The following PLD5 variants were observed in gnomAD, a reference collection of about 807,000 sequenced individuals.
PLD5 encodes phospholipase D family member 5.
In PLD5, 36 loss-of-function variants were observed where a neutral mutation model predicts 61.1. That is an observed-to-expected ratio of 0.59 (90% CI 0.45 to 0.78). The LOEUF (loss-of-function observed/expected upper bound fraction) is 0.78, where lower values mean the gene tolerates loss of function less well. Ranked by LOEUF, PLD5 falls within the 30% of genes least tolerant of loss-of-function variation. The pLI is 0.00. For missense variants in PLD5, 515 were observed against 644.4 expected, an observed-to-expected ratio of 0.80 and a Z score of 2.17; for synonymous variants, 243 against 242.8, an observed-to-expected ratio of 1.00 and a Z score of -0.01.
chr1:242,084,051 TC>T lies in PLD5; in HGVS notation c.*5802del, dbSNP rs1659351883. The T allele has an allele frequency of 6.6e-6, 1 of 152,218 alleles. No individual in the cohort carries two copies. The highest frequency in any genetic ancestry group is 6.5e-5 in the Admixed American group (1 of 15,278). 9.4% of individuals were successfully genotyped at this position (152,218 alleles called of 1,614,324 possible). On this transcript the variant is annotated 3_prime_UTR_variant, in exon 10 of 10. Transcript: ENST00000536534. ...TGGGTTTGAGAGCCAGATATCCACT[TC>T]ATAAAAAGAGATCTTTTCTCCTTAC...
intron 2 of PLD5, among the ~76,000 whole-genome samples, chr1:242,296,711 T>C (rs1675677721): frequency 6.6e-6 from 1 of 152,156 alleles, no homozygotes. Context: ...AGTATGCTGA[T>C]TATTTTTTTT....
At position 242,499,137 on chromosome 1, in the gene PLD5, A is replaced by G. The variant is rs549181104; in HGVS notation, c.189+24951T>C. Among the ~76,000 whole-genome samples, 5 of 152,338 alleles carry G rather than the reference A, an allele frequency of 3.3e-5. No homozygotes were observed. The South Asian group carries it at 8.3e-4, about 25-fold the overall frequency. On this transcript the variant is annotated intron_variant, in intron 1 of 9. Coordinates refer to ENST00000536534, the MANE Select transcript of PLD5 (RefSeq NM_001372062.1). ...GACAGTATTATTTTTAAAATGATAA[A>G]AGAAGTTTTACTATTCCTTTAATTT...
At chr1:242,240,549 G>GT (rs1280717663) in intron 4 of PLD5, among the ~76,000 whole-genome samples, 1 of 152,082 alleles carries the variant, frequency 6.6e-6, no homozygotes, top group Admixed American at 6.6e-5. Flanking sequence ...GCCTGAGGGA[G>GT]TTTTTTTCCC....
At chr1:242,361,924 C>G (rs577243353) in intron 1 of PLD5, among the ~76,000 whole-genome samples, 43 of 150,562 alleles carry the variant, frequency 2.9e-4, no homozygotes, top group African/African-American at 1.0e-3. Flanking sequence ...TGCTTGAGGC[C>G]AAGAATTCAA....
intron 1 of PLD5, among the ~76,000 whole-genome samples, chr1:242,504,063 T>C (rs1572258890): frequency 6.6e-6 from 1 of 152,182 alleles, no homozygotes; most frequent in East Asian, 1.9e-4. Flanking sequence ...TTTTGTTTTG[T>C]TGTTATATTA....
intron 1 of PLD5, among the ~76,000 whole-genome samples, chr1:242,416,723 T>G (rs1036564559): frequency 3.3e-5 from 5 of 152,196 alleles, no homozygotes; most frequent in African/African-American, 1.2e-4. Context: ...ACAAATAAAA[T>G]CTTGTTTCTT....
At chr1:242,448,854 C>G (rs959947166) in intron 1 of PLD5, among the ~76,000 whole-genome samples, 1 of 152,096 alleles carries the variant, frequency 6.6e-6, no homozygotes, top group East Asian at 1.9e-4. Flanking sequence ...AAAAAAATCA[C>G]GTGGAAGTTT....
At chr1:242,229,551 T>A (rs983298940) in intron 4 of PLD5, among the ~76,000 whole-genome samples, 4 of 152,210 alleles carry the variant, frequency 2.6e-5, no homozygotes, top group African/African-American at 9.6e-5. Flanking sequence ...TTGGGAAGAA[T>A]TGACATATGT....
At chr1:242,479,549 G>A (rs939378575) in intron 1 of PLD5, among the ~76,000 whole-genome samples, 4 of 152,034 alleles carry the variant, frequency 2.6e-5, no homozygotes, top group Non-Finnish European at 4.4e-5. Context: ...TAGTAGGTCC[G>A]TAAAGACATA....
intron 9 of PLD5, among the ~76,000 whole-genome samples, chr1:242,090,824 C>T (rs932913847): frequency 6.6e-6 from 1 of 152,244 alleles, no homozygotes; most frequent in Non-Finnish European, 1.5e-5. Flanking sequence ...TTGATTCCTT[C>T]TGAGAACTGT....
At chr1:242,399,313 A>T (rs543740236) in intron 1 of PLD5, among the ~76,000 whole-genome samples, 17 of 152,300 alleles carry the variant, frequency 1.1e-4, no homozygotes, top group Non-Finnish European at 2.2e-4. Context: ...TATAAAAACA[A>T]ATAACGAAAT....
chr1:242,403,356 A>G (rs183583201), intron 1 of PLD5, among the ~76,000 whole-genome samples: 321 of 152,168 alleles, frequency 2.1e-3, no homozygotes, highest in Admixed American at 3.5e-3. Flanking sequence ...CCCTGCAAGC[A>G]CACAGGCGCA....
intron 1 of PLD5, among the ~76,000 whole-genome samples, chr1:242,394,969 TTATATATGAATATATATGAA>T (rs1195467951): frequency 1.7e-5 from 1 of 60,446 alleles, no homozygotes. Flanking sequence ...ATATATATGA[TTATATATGAATATATATGAA>T]TATATATGTA....
chr1:242,241,967 TTAAA>T (rs1672067928), intron 4 of PLD5, among the ~76,000 whole-genome samples: 2 of 120,896 alleles, frequency 1.7e-5, no homozygotes, highest in Admixed American at 9.3e-5. Context: ...ATATGCTTAC[TTAAA>T]TATATACTAT....
intron 3 of PLD5, among the ~76,000 whole-genome samples, chr1:242,281,279 C>T (rs1360522362): frequency 6.6e-6 from 1 of 152,108 alleles, no homozygotes; most frequent in Non-Finnish European, 1.5e-5. Flanking sequence ...TTGATCGCAT[C>T]AGTTAGGAAG....
rs115026767 is a variant in PLD5, at chr1:242,417,442, T to C, written c.190-69200A>G. Among the ~76,000 whole-genome samples, 362 of 151,108 alleles carry C rather than the reference T, an allele frequency of 2.4e-3. 4 individuals are homozygous for C. Among genetic ancestry groups the C allele is most frequent in the Middle Eastern group, 0.017 (5 of 292 alleles). ...CACAACCCAGAAATTACCACCCTTGTTCTAGAAATTTCTGCATAATCTCCC... is the reference window on the plus strand; with the variant it reads ...CACAACCCAGAAATTACCACCCTTGCTCTAGAAATTTCTGCATAATCTCCC... On this transcript the variant is annotated intron_variant, in intron 1 of 9. Transcript: ENST00000536534.
chr1:242,128,587 A>T (rs1558250841), intron 5 of PLD5, among the ~76,000 whole-genome samples: 2 of 152,200 alleles, frequency 1.3e-5, no homozygotes, highest in Non-Finnish European at 2.9e-5. Flanking sequence ...TGCAAGCTCC[A>T]CCAATCTGAA....
chr1:242,324,098 C>A (rs1658597607), intron 2 of PLD5, among the ~76,000 whole-genome samples: 3 of 151,566 alleles, frequency 2.0e-5, no homozygotes, highest in South Asian at 4.2e-4. Context: ...GAAACACAAC[C>A]AATTTCAGTT....
At chr1:242,250,193 A>G (rs1346795392) in intron 4 of PLD5, among the ~76,000 whole-genome samples, 1 of 152,210 alleles carries the variant, frequency 6.6e-6, no homozygotes, top group Non-Finnish European at 1.5e-5. Context: ...TCAAGGCTCA[A>G]CCTGAAATCT....
Sources: gnomAD v4.1 joint callset for allele counts (sites outside exome capture counted in the v4.1 genomes callset) on GRCh38, gnomAD v4.1.1 for gene constraint, MANE v1.5 for transcripts, NCBI Gene and HGNC (gene_info 2026-07-23, HGNC 2026-07-21) for gene names.